Variants in CNTN4 observed in about 807,000 individuals in gnomAD.
CNTN4 encodes contactin 4.
In CNTN4, 77 loss-of-function variants were observed where a neutral mutation model predicts 122.5. The ratio of observed to expected loss-of-function variants is 0.63; its 90% CI spans 0.52 to 0.76. The LOEUF is 0.76. CNTN4 is among the 30% of genes least tolerant of loss of function. The probability of loss-of-function intolerance (pLI) is 0.00; values close to 1 mark genes in which losing one functional copy is unlikely to be tolerated. For missense variants in CNTN4, 1,256 were observed against 1,259.1 expected (o/e 1.00, Z 0.04); for synonymous variants, 512 against 447.0 (o/e 1.15, Z -1.83).
intron 14 of CNTN4, among the ~76,000 whole-genome samples, chr3:2,992,128 A>G (rs564875412): frequency 6.6e-6 from 1 of 152,290 alleles, no homozygotes; most frequent in Non-Finnish European, 1.5e-5. Context: ...TGGCACATCT[A>G]TTCCACCAGA....
intron 2 of CNTN4, among the ~76,000 whole-genome samples, chr3:2,129,264 CAAAAAAAA>C (rs11390812): frequency 1.6e-5 from 1 of 63,846 alleles, no homozygotes; most frequent in African/African-American, 5.6e-5. Context: ...TCCAAACCTG[CAAAAAAAA>C]AAAAAAAAAA....
intron 2 of CNTN4, among the ~76,000 whole-genome samples, chr3:2,200,050 C>T (rs915646978): frequency 6.6e-6 from 1 of 152,070 alleles, no homozygotes; most frequent in Non-Finnish European, 1.5e-5. Flanking sequence ...TTAAGCTGCA[C>T]AAGGTTATGA....
intron 3 of CNTN4, among the ~76,000 whole-genome samples, chr3:2,558,206 G>C (rs942203429): frequency 1.3e-5 from 2 of 152,164 alleles, no homozygotes; most frequent in Non-Finnish European, 2.9e-5. Flanking sequence ...AATATTGTAC[G>C]TAAGTATAGT....
chr3:2,270,323 T>C (rs1485427322), intron 2 of CNTN4, among the ~76,000 whole-genome samples: 3 of 152,060 alleles, frequency 2.0e-5, no homozygotes, highest in African/African-American at 7.2e-5. Flanking sequence ...GGTAAATTAG[T>C]GTCATGGGGG....
At chr3:2,957,046 A>G (rs554832681) in intron 13 of CNTN4, among the ~76,000 whole-genome samples, 1 of 152,280 alleles carries the variant, frequency 6.6e-6, no homozygotes, top group African/African-American at 2.4e-5. Flanking sequence ...CGTGATGGAC[A>G]CTTGGGTTGT....
intron 6 of CNTN4, among the ~76,000 whole-genome samples, chr3:2,782,454 A>G (rs1031526344): frequency 2.2e-5 from 3 of 135,164 alleles, no homozygotes; most frequent in Non-Finnish European, 4.7e-5. Context: ...ACTGATTCCT[A>G]CCTTCTTATT....
chr3:2,128,638 A>G (rs1370991960), intron 2 of CNTN4, among the ~76,000 whole-genome samples: 3 of 152,204 alleles, frequency 2.0e-5, no homozygotes, highest in Non-Finnish European at 2.9e-5. Context: ...ATGGTATCCC[A>G]TAACATGTCT....
chr3:2,231,423 T>C (rs547228315), intron 2 of CNTN4, among the ~76,000 whole-genome samples: 16 of 152,358 alleles, frequency 1.1e-4, no homozygotes, highest in African/African-American at 3.8e-4. Flanking sequence ...TGTTTAAATG[T>C]AAATGTCTTT....
chr3:2,120,190 A>C (rs920063366), intron 2 of CNTN4, among the ~76,000 whole-genome samples: 9 of 151,772 alleles, frequency 5.9e-5, no homozygotes, highest in East Asian at 1.9e-4. Context: ...GGGGGCTCTA[A>C]ATAGAATCAT....
chr3:2,519,870 G>A (rs548753341), intron 3 of CNTN4, among the ~76,000 whole-genome samples: 3 of 152,074 alleles, frequency 2.0e-5, no homozygotes, highest in African/African-American at 4.8e-5. Flanking sequence ...AAAAATATGC[G>A]GATTCACATC....
chr3:2,409,716 G>T (rs1303414235), intron 3 of CNTN4, among the ~76,000 whole-genome samples: 1 of 151,858 alleles, frequency 6.6e-6, no homozygotes, highest in East Asian at 1.9e-4. Context: ...TATTTAGACT[G>T]TACTTGAATA....
chr3:2,250,763 T>G (rs998259759), intron 2 of CNTN4, among the ~76,000 whole-genome samples: 43 of 151,902 alleles, frequency 2.8e-4, no homozygotes, highest in Admixed American at 3.9e-4. Context: ...CCTCAAAGAA[T>G]GTGTAATCTT....
chr3:2,224,303 C>G (rs1025773308), intron 2 of CNTN4, among the ~76,000 whole-genome samples: 1 of 152,162 alleles, frequency 6.6e-6, no homozygotes, highest in Non-Finnish European at 1.5e-5. Context: ...CCAGCTTCTC[C>G]TTCCTCACCT....
intron 2 of CNTN4, among the ~76,000 whole-genome samples, chr3:2,317,302 A>C (rs1143978): frequency 0.32 from 49,362 of 152,054 alleles, 8,150 homozygotes; most frequent in Admixed American, 0.39. Flanking sequence ...CATTTAACTC[A>C]ATCTCATTAA....
intron 4 of CNTN4, among the ~76,000 whole-genome samples, chr3:2,608,997 A>C (rs1043536854): frequency 3.3e-5 from 5 of 152,216 alleles, no homozygotes; most frequent in Admixed American, 1.3e-4. Context: ...AAGGATAATC[A>C]ACAACAGAAA....
intron 13 of CNTN4, among the ~76,000 whole-genome samples, chr3:2,960,610 A>G (rs1207615057): frequency 2.6e-5 from 4 of 152,200 alleles, no homozygotes; most frequent in African/African-American, 9.7e-5. Flanking sequence ...GCCAAAAGAG[A>G]AATCGGCAAG....
intron 2 of CNTN4, among the ~76,000 whole-genome samples, chr3:2,174,561 A>AGG (rs1190885005): frequency 6.6e-6 from 1 of 152,186 alleles, no homozygotes; most frequent in Non-Finnish European, 1.5e-5. Flanking sequence ...CTCATTCAAA[A>AGG]GGGTTCCACC....
chr3:2,144,535 T>C (rs1039300297), intron 2 of CNTN4, among the ~76,000 whole-genome samples: 1 of 152,118 alleles, frequency 6.6e-6, no homozygotes, highest in Non-Finnish European at 1.5e-5. Context: ...CAGGGATGGG[T>C]GGCAAAGGAT....
intron 2 of CNTN4, among the ~76,000 whole-genome samples, chr3:2,192,270 G>C (rs892129230): frequency 5.3e-5 from 8 of 152,152 alleles, no homozygotes; most frequent in African/African-American, 1.7e-4. Context: ...GGGTCAAATG[G>C]TATTTCTAGT....
Sources: allele counts gnomAD v4.1 joint callset (sites outside exome capture counted in the v4.1 genomes callset), GRCh38; gene constraint gnomAD v4.1.1; transcripts MANE v1.5; gene names NCBI Gene and HGNC (gene_info 2026-07-23, HGNC 2026-07-21).